The following RGS22 variants were observed in gnomAD, a reference collection of about 807,000 sequenced individuals.
RGS22 encodes regulator of G-protein signaling 22.
Under a neutral mutation model 172.9 loss-of-function variants are expected in RGS22, and 148 were observed. That is an observed-to-expected ratio of 0.86 (90% CI 0.75 to 0.98). The LOEUF is 0.98. Ranked by LOEUF, RGS22 falls within the 50% of genes least tolerant of loss-of-function variation. RGS22 has a pLI of 0.00. For missense variants in RGS22, 1,347 were observed against 1,440.8 expected, an observed-to-expected ratio of 0.93 and a Z score of 1.05; for synonymous variants, 458 against 480.2, an observed-to-expected ratio of 0.95 and a Z score of 0.60.
In RGS22 at chr8:100,016,606, T is replaced by C. The variant is rs574516533; in HGVS notation, c.2167-8037A>G. ...TCCTGGCTAACATGGTGAAACCCTG[T>C]CTCTACTAAAAATACAAAAAATTAG... On this transcript the variant is annotated intron_variant, in intron 14 of 27. Transcript: ENST00000360863. Among the ~76,000 whole-genome samples, 159 of 152,086 alleles carry C rather than the reference T, an allele frequency of 1.0e-3. 1 individual carries two copies. Among genetic ancestry groups the C allele is most frequent in the Non-Finnish European group, 2.0e-3 (134 of 67,980 alleles).
intron 13 of RGS22, 128 bp from the exon 14 acceptor site, chr8:100,039,160 G>A: frequency 2.2e-6 from 1 of 464,758 alleles, no homozygotes; most frequent in South Asian, 5.1e-5. Flanking sequence ...ATTTAAGATG[G>A]TTTTAATCTT....
intron 9 of RGS22, 98 bp from the exon 10 acceptor site, chr8:100,053,074 GTC>G: frequency 9.4e-7 from 1 of 1,064,442 alleles, no homozygotes; most frequent in African/African-American, 1.6e-5. Flanking sequence ...ACAATTAACA[GTC>G]TTGCCATACC....
chr8:100,072,325 T>A, intron 4 of RGS22, 95 bp from the exon 5 acceptor site: 1 of 675,600 alleles, frequency 1.5e-6, no homozygotes, highest in Non-Finnish European at 2.4e-6. Flanking sequence ...GACCTCCAGC[T>A]GTCAGCAGGA....
chr8:100,102,890 T>C (rs1456316224), intron 2 of RGS22, among the ~76,000 whole-genome samples: 2 of 152,236 alleles, frequency 1.3e-5, no homozygotes, highest in Non-Finnish European at 2.9e-5. Context: ...AGCAAAGCAT[T>C]TGACATTTTG....
intron 4 of RGS22, among the ~76,000 whole-genome samples, chr8:100,075,416 A>G (rs1039916865): frequency 2.6e-5 from 4 of 152,112 alleles, no homozygotes; most frequent in Non-Finnish European, 5.9e-5. Context: ...CATGAGTGGG[A>G]GCTTCCTGAG....
chr8:100,052,797 C>T lies in RGS22; in HGVS notation c.1689+5G>A, dbSNP rs751265780. 1 of 1,612,054 alleles carries T rather than the reference C, an allele frequency of 6.2e-7. No homozygotes were observed. The highest frequency in any genetic ancestry group is 1.1e-5 in the South Asian group (1 of 90,984). ...TAGAGATCACAGCATGAATGTACACCCTACCTGGATCTCAGGTATCTGTGG... is the reference window on the plus strand; with the variant it reads ...TAGAGATCACAGCATGAATGTACACTCTACCTGGATCTCAGGTATCTGTGG... On this transcript the variant is annotated splice_donor_5th_base_variant and intron_variant, in intron 10 of 27. Transcript: ENST00000360863.
At chr8:100,055,615 G>A (rs776560303) in intron 9 of RGS22, among the ~76,000 whole-genome samples, 8 of 152,118 alleles carry the variant, frequency 5.3e-5, no homozygotes, top group Non-Finnish European at 8.8e-5. Context: ...TAATTCCCAC[G>A]TGTCATGGGA....
At chr8:100,098,854 A>ATTTTATT (rs59580013) in intron 2 of RGS22, among the ~76,000 whole-genome samples, 4 of 21,512 alleles carry the variant, frequency 1.9e-4, no homozygotes, top group African/African-American at 1.0e-3. Flanking sequence ...TATTTATTTT[A>ATTTTATT]TTATTTTATT....
chr8:99,968,952 A>C (rs765838949), intron 23 of RGS22, among the ~76,000 whole-genome samples: 5 of 152,172 alleles, frequency 3.3e-5, no homozygotes, highest in Non-Finnish European at 1.5e-5. Context: ...GTTGAAATGA[A>C]GGAAAAAATA....
intron 3 of RGS22, among the ~76,000 whole-genome samples, chr8:100,085,858 C>T (rs1459719161): frequency 6.6e-6 from 1 of 152,174 alleles, no homozygotes; most frequent in East Asian, 1.9e-4. Flanking sequence ...CTCTTTAAAC[C>T]TCACTCTCTC....
At chr8:100,072,645 G>T (rs756922346) in intron 4 of RGS22, among the ~76,000 whole-genome samples, 6 of 151,316 alleles carry the variant, frequency 4.0e-5, no homozygotes, top group Non-Finnish European at 8.8e-5. Context: ...GTCACTGCAG[G>T]CCCCTTGTTC....
chr8:100,099,588 T>C (rs942512024), intron 2 of RGS22, among the ~76,000 whole-genome samples: 4 of 152,222 alleles, frequency 2.6e-5, no homozygotes, highest in Non-Finnish European at 4.4e-5. Flanking sequence ...GTGTCTAATA[T>C]GGCCATACCT....
intron 2 of RGS22, among the ~76,000 whole-genome samples, chr8:100,096,642 C>T (rs1460003415): frequency 1.4e-5 from 2 of 145,078 alleles, no homozygotes; most frequent in African/African-American, 2.6e-5. Flanking sequence ...CTTGCTCTGT[C>T]ACTTAGGCGC....
At chr8:100,014,486 A>G (rs1157630793) in intron 14 of RGS22, among the ~76,000 whole-genome samples, 1 of 152,148 alleles carries the variant, frequency 6.6e-6, no homozygotes. Flanking sequence ...ATCACTAAAA[A>G]CCACATAATC....
intron 21 of RGS22, 33 bp downstream of exon 21, chr8:99,987,425 A>C: frequency 4.6e-6 from 7 of 1,510,136 alleles, no homozygotes; most frequent in Non-Finnish European, 6.3e-6. Flanking sequence ...CCTCCTCAAA[A>C]CAGGTGGTTT....
intron 23 of RGS22, among the ~76,000 whole-genome samples, chr8:99,968,151 G>T (rs904982026): frequency 6.6e-6 from 1 of 152,152 alleles, no homozygotes. Context: ...CCTGACTGTT[G>T]AAGTAAAACT....
chr8:99,987,287 G>A (rs971218141), intron 21 of RGS22, among the ~76,000 whole-genome samples, 171 bp downstream of exon 21: 1 of 152,120 alleles, frequency 6.6e-6, no homozygotes, highest in African/African-American at 2.4e-5. Flanking sequence ...AATAATAAAT[G>A]TATCTAGAGA....
At chr8:100,074,329 A>G (rs1811189078) in intron 4 of RGS22, among the ~76,000 whole-genome samples, 1 of 152,240 alleles carries the variant, frequency 6.6e-6, no homozygotes, top group Admixed American at 6.5e-5. Context: ...ACAGTTCTAC[A>G]AGTTTTGACA....
chr8:100,073,599 A>G (rs1229067513), intron 4 of RGS22, among the ~76,000 whole-genome samples: 1 of 152,216 alleles, frequency 6.6e-6, no homozygotes, highest in Admixed American at 6.5e-5. Flanking sequence ...TCTTGTAGTT[A>G]GAAAGACTCT....
Sources: gnomAD v4.1 joint callset for allele counts (sites outside exome capture counted in the v4.1 genomes callset) on GRCh38, gnomAD v4.1.1 for gene constraint, MANE v1.5 for transcripts, NCBI Gene and HGNC (gene_info 2026-07-23, HGNC 2026-07-21) for gene names.